The following KCND3 variants were observed in gnomAD, a reference collection of about 807,000 sequenced individuals.
The protein encoded by KCND3 is potassium voltage-gated channel subfamily D member 3.
KCND3 carries 9 observed loss-of-function variants against 51.1 expected under a neutral mutation model. That is an observed-to-expected ratio of 0.18 (90% CI 0.11 to 0.31). The LOEUF (loss-of-function observed/expected upper bound fraction) is 0.31, where lower values mean the gene tolerates loss of function less well. Among genes scored for constraint, KCND3 ranks in the 10% least tolerant of loss-of-function variants. The pLI, the probability that KCND3 is intolerant of heterozygous loss-of-function variation, is 1.00. For missense variants in KCND3, 526 were observed against 903.8 expected, an observed-to-expected ratio of 0.58 and a Z score of 5.36; for synonymous variants, 349 against 368.0, an observed-to-expected ratio of 0.95 and a Z score of 0.59.
intron 2 of KCND3, chr1:111,910,959 C>G (rs1415531058): frequency 6.6e-6 from 1 of 152,238 alleles, no homozygotes; most frequent in Non-Finnish European, 1.5e-5. Flanking sequence ...ATCAATTGCT[C>G]TGGCATCATC....
chr1:111,793,249 C>G (rs1664918053), intron 2 of KCND3, among the ~76,000 whole-genome samples: 1 of 150,138 alleles, frequency 6.7e-6, no homozygotes, highest in South Asian at 2.1e-4. Context: ...GATCTCGGCT[C>G]ACTGCAACCT....
intron 1 of KCND3, among the ~76,000 whole-genome samples, chr1:111,987,928 GA>G (rs1486750798): frequency 1.3e-5 from 2 of 152,132 alleles, no homozygotes; most frequent in African/African-American, 4.8e-5. Context: ...CCTGGCAAAG[GA>G]AAACATTTTC....
chr1:111,899,536 G>A (rs1670283927), intron 2 of KCND3, among the ~76,000 whole-genome samples: 1 of 152,306 alleles, frequency 6.6e-6, no homozygotes, highest in Admixed American at 6.5e-5. Flanking sequence ...AAAACCCAAT[G>A]GCAATTTCTG....
At position 111,777,252 on chromosome 1, in the gene KCND3, G is replaced by T; in HGVS notation, c.1540C>A (p.Gln514Lys). The change falls in exon 7 of 8, where the codon CAG becomes AAG. Residue 514 changes from glutamine (Q) to lysine (K), a missense_variant. Physicochemically the swap from Gln to Lys is moderately conservative, Grantham distance 53 (BLOSUM62 1). This residue lies in a region of KCND3 where 266 missense variants were observed against 305.5 expected (regional missense o/e 0.87). Coordinates refer to ENST00000302127, the MANE Select transcript of KCND3 (RefSeq NM_001378969.1). ...TCCATGCAGTTCTGCTCAAACATCT[G>T]CTCATCAATAAACTCGTGGTTCTGC... ...TIKNHEFIDE[Q>K]MFEQNCMESS... 6.2e-7 allele frequency: 1 copy of T among 1,614,168 alleles called. No homozygotes were observed. The highest frequency in any genetic ancestry group is 8.5e-7 in the Non-Finnish European group (1 of 1,180,032).
chr1:111,970,760 G>T (rs1446480194), intron 2 of KCND3, among the ~76,000 whole-genome samples: 1 of 152,224 alleles, frequency 6.6e-6, no homozygotes, highest in Non-Finnish European at 1.5e-5. Flanking sequence ...CTTCTCATAT[G>T]TAGAATGGGA....
chr1:111,830,543 C>G (rs1666790429), intron 2 of KCND3, among the ~76,000 whole-genome samples: 1 of 152,232 alleles, frequency 6.6e-6, no homozygotes, highest in Non-Finnish European at 1.5e-5. Context: ...CAACCCTACC[C>G]TTGCAGGACC....
chr1:111,918,770 G>T (rs1166611706), intron 2 of KCND3, among the ~76,000 whole-genome samples: 4 of 152,162 alleles, frequency 2.6e-5, no homozygotes, highest in Non-Finnish European at 4.4e-5. Context: ...CAGGCTGGAG[G>T]CAGGGAATGA....
Position 111,775,818 on chromosome 1 carries a change from G to GGCC in KCND3, c.*258_*259insGGC. On this transcript the variant is annotated 3_prime_UTR_variant, in exon 8 of 8. Coordinates refer to ENST00000302127, the MANE Select transcript of KCND3 (RefSeq NM_001378969.1). ...AGCCTATATCCCCCGGCCTATCCCC[G>GGCC]ACCCCCCCACCCTCCCTCCCTTCCT... 2 of 99,728 alleles carry GGCC rather than the reference G, an allele frequency of 2.0e-5. 1 individual carries two copies. The highest frequency in any genetic ancestry group is 3.9e-5 in the Non-Finnish European group (2 of 51,432). 6.2% of individuals were successfully genotyped at this position (99,728 alleles called of 1,614,324 possible).
Position 111,780,061 on chromosome 1 carries a change from A to ACTC in KCND3, c.1461+161_1461+163dup, listed in dbSNP as rs1387886598. Among the ~76,000 whole-genome samples the ACTC allele has an allele frequency of 6.6e-6, 1 of 151,876 alleles. No homozygotes were observed. The highest frequency in any genetic ancestry group is 1.5e-5 in the Non-Finnish European group (1 of 67,964). The stretch of plus-strand genomic sequence containing the variant: ...TCTCCCACCCTGGTGACCTTGCCCC[A>ACTC]CTCCTCAGGGTCTTCCACCTGAGGG... On this transcript the variant is annotated intron_variant, in intron 5 of 7. Coordinates refer to ENST00000302127, the MANE Select transcript of KCND3 (RefSeq NM_001378969.1). This position sits in a 1 kb window ranked among gnomAD's most constrained non-coding sequence, Gnocchi z 4.2.
At chr1:111,971,817 C>A (rs186510033) in intron 2 of KCND3, among the ~76,000 whole-genome samples, 20 of 152,356 alleles carry the variant, frequency 1.3e-4, no homozygotes, top group African/African-American at 4.8e-4. Flanking sequence ...CAACTCCACA[C>A]CTCTACTCAT....
At chr1:111,842,311 C>T (rs1667360468) in intron 2 of KCND3, among the ~76,000 whole-genome samples, 2 of 152,194 alleles carry the variant, frequency 1.3e-5, no homozygotes, top group African/African-American at 2.4e-5. Context: ...TGCCCAGATG[C>T]CTGCCTGCCC....
At chr1:111,798,823 A>G (rs919953224) in intron 2 of KCND3, among the ~76,000 whole-genome samples, 1 of 150,964 alleles carries the variant, frequency 6.6e-6, no homozygotes, top group Admixed American at 6.6e-5. Flanking sequence ...GCTGCAAAAC[A>G]CTTTTATCCT....
chr1:111,932,505 C>G (rs1250858365), intron 2 of KCND3, among the ~76,000 whole-genome samples: 4 of 152,250 alleles, frequency 2.6e-5, no homozygotes, highest in Non-Finnish European at 5.9e-5. Context: ...CACTGAAACT[C>G]TGTACCCATT....
At chr1:111,821,201 T>C (rs1666331602) in intron 2 of KCND3, among the ~76,000 whole-genome samples, 1 of 152,210 alleles carries the variant, frequency 6.6e-6, no homozygotes, top group South Asian at 2.1e-4. Context: ...CCACAGATTT[T>C]CACGCCCCAT....
chr1:111,967,201 T>G (rs1386666614), intron 2 of KCND3, among the ~76,000 whole-genome samples: 1 of 146,004 alleles, frequency 6.8e-6, no homozygotes. Flanking sequence ...GGGGGTAAAC[T>G]CCCCATCCCT....
intron 2 of KCND3, among the ~76,000 whole-genome samples, chr1:111,816,189 C>A (rs1342742338): frequency 1.3e-5 from 2 of 152,244 alleles, no homozygotes; most frequent in East Asian, 1.9e-4. Context: ...GGAGGCAAAC[C>A]CCTACCACAT....
intron 2 of KCND3, among the ~76,000 whole-genome samples, chr1:111,872,913 G>A (rs1668889905): frequency 1.3e-5 from 2 of 152,306 alleles, no homozygotes; most frequent in South Asian, 4.1e-4. Context: ...CTCACTCTGG[G>A]CCAGGTACAA....
intron 2 of KCND3, among the ~76,000 whole-genome samples, chr1:111,931,741 T>C (rs2000265): frequency 0.35 from 53,850 of 152,040 alleles, 11,202 homozygotes; most frequent in East Asian, 0.46. Flanking sequence ...ATGATTATCA[T>C]TATTTTAGGG....
At chr1:111,810,201 C>G (rs75929085) in intron 2 of KCND3, among the ~76,000 whole-genome samples, 2,133 of 152,270 alleles carry the variant, frequency 0.014, 44 homozygotes, top group African/African-American at 0.049. Context: ...GACTGTGGCT[C>G]TTCTCACTTC....
Sources: allele counts gnomAD v4.1 joint callset (sites outside exome capture counted in the v4.1 genomes callset), GRCh38; gene constraint gnomAD v4.1.1; regional missense constraint gnomAD v4.1.1; non-coding constraint Gnocchi (gnomAD v3.1); transcripts MANE v1.5; gene names NCBI Gene and HGNC (gene_info 2026-07-23, HGNC 2026-07-21).